The following USP53 variants were observed in gnomAD, a reference collection of about 807,000 sequenced individuals.
The protein encoded by USP53 is ubiquitin specific peptidase 53, also known as ubiquitin carboxyl-terminal hydrolase 53.
A neutral mutation model predicts 94.9 loss-of-function variants in USP53; 71 were observed. The ratio of observed to expected loss-of-function variants is 0.75; its 90% CI spans 0.62 to 0.91. The LOEUF is 0.91. Ranked by LOEUF, USP53 falls within the 40% of genes least tolerant of loss-of-function variation. USP53 has a pLI of 0.00. For synonymous variants in USP53, 375 were observed against 422.7 expected, an observed-to-expected ratio of 0.89 and a Z score of 1.39; for missense variants, 1,173 against 1,281.0, an observed-to-expected ratio of 0.92 and a Z score of 1.29.
intron 3 of USP53, chr4:119,220,439 C>G (rs139208676): frequency 6.6e-6 from 1 of 152,066 alleles, no homozygotes; most frequent in Non-Finnish European, 1.5e-5. Flanking sequence ...TGCAGTTTGA[C>G]AAATATAAAT....
intron 17 of USP53, 22 bp from the exon 18 acceptor site, chr4:119,291,143 T>TGGCCCCCCCCCCCC: frequency 1.3e-6 from 1 of 747,556 alleles, no homozygotes; most frequent in East Asian, 3.1e-5. Flanking sequence ...TCATCTCTTC[T>TGGCCCCCCCCCCCC]CCCCACCCCA....
In USP53 at chr4:119,261,499, C is replaced by T. The variant is rs377328685; in HGVS notation, c.823-216C>T. ...TTGCTAAACTAATTTGTAGTGAATTCGTTTTATTGGACTTAAAGTTTTATG... is the reference window on the plus strand; with the variant it reads ...TTGCTAAACTAATTTGTAGTGAATTTGTTTTATTGGACTTAAAGTTTTATG... On this transcript the variant is annotated intron_variant, in intron 11 of 18. Coordinates refer to ENST00000692078, the MANE Select transcript of USP53 (RefSeq NM_001371395.1). Among the ~76,000 whole-genome samples the T allele has an allele frequency of 7.2e-5, 11 of 152,110 alleles. No individual in the cohort carries two copies. In the East Asian group the frequency reaches 1.7e-3, roughly 24 times the overall value.
rs1578533840 is a variant in USP53 at position 119,272,239 on chromosome 4, A to G, written c.2174+205A>G. 6.9e-6 allele frequency: 3 copies of G among 434,692 alleles called. No homozygotes were observed. In the Admixed American group the frequency reaches 1.2e-4, roughly 18 times the overall value. The allele number at this position is 434,692 out of a possible 1,614,324, so 26.9% of individuals were successfully genotyped here. ...TATTGTAGTTTATTTGATATTTTAGATTTCCATTTTGAATAGTTATTTCCT... is the reference window on the plus strand; with the variant it reads ...TATTGTAGTTTATTTGATATTTTAGGTTTCCATTTTGAATAGTTATTTCCT... On this transcript the variant is annotated intron_variant, in intron 16 of 18. Transcript: ENST00000692078.
Position 119,295,263 on chromosome 4 carries a change from T to A in USP53, c.*2052T>A, listed in dbSNP as rs1323. Reference sequence around the variant, plus strand: ...CAAACTAGAAAATGCCCATTTATTTTTGTTGATTCAACACTCCAGATACAG... The same window carrying A: ...CAAACTAGAAAATGCCCATTTATTTATGTTGATTCAACACTCCAGATACAG... On this transcript the variant is annotated 3_prime_UTR_variant, in exon 19 of 19. Transcript: ENST00000692078. 2.0e-5 allele frequency: 3 copies of A among 151,698 alleles called. No homozygotes were observed. Among genetic ancestry groups the A allele is most frequent in the Non-Finnish European group, 4.4e-5 (3 of 67,892 alleles). 9.4% of individuals were successfully genotyped at this position (151,698 alleles called of 1,614,324 possible). A position where few individuals can be genotyped will look rare whatever the true frequency, so the allele number is the denominator to read the frequency against.
At chr4:119,273,119 A>G (rs559063099) in intron 16 of USP53, 1 of 152,854 alleles carries the variant, frequency 6.5e-6, no homozygotes, top group East Asian at 1.9e-4. Context: ...TACTAGCCTG[A>G]GCAACATGGA....
At chr4:119,221,734 G>A (rs947521660) in intron 3 of USP53, among the ~76,000 whole-genome samples, 1 of 152,152 alleles carries the variant, frequency 6.6e-6, no homozygotes, top group African/African-American at 2.4e-5. Context: ...TCTCTCCTTT[G>A]TCTTCGATTT....
Position 119,256,298 on chromosome 4 carries a change from A to G in USP53, c.425A>G (p.Asp142Gly). Residue 142 changes from aspartate to glycine, a missense_variant, in exon 8 of 19, where the codon GAC becomes GGC. Coordinates refer to ENST00000692078, the MANE Select transcript of USP53 (RefSeq NM_001371395.1). ...CACATAGTGCCAAGCAGAGATGCAG[A>G]CATGTGTACCTCTAAATCTTGTATC... ...HFHIVPSRDA[D>G]MCTSKSCITH... 1 of 1,614,030 alleles carries G rather than the reference A, an allele frequency of 6.2e-7. No individual in the cohort carries two copies. The highest frequency in any genetic ancestry group is 8.5e-7 in the Non-Finnish European group (1 of 1,179,956).
chr4:119,266,626 G>T (rs956605867), intron 12 of USP53, among the ~76,000 whole-genome samples: 7 of 151,848 alleles, frequency 4.6e-5, no homozygotes, highest in Admixed American at 4.6e-4. Context: ...TTTTTTGCCA[G>T]TATTTCGCAT....
In USP53 at chr4:119,287,716, A is replaced by T. The variant is rs10019005; in HGVS notation, c.2252-3449A>T. 7.8e-3 allele frequency among the ~76,000 whole-genome samples: 1,188 copies of T among 152,294 alleles called. 16 individuals carry two copies. Among genetic ancestry groups the T allele is most frequent in the African/African-American group, 0.027 (1,134 of 41,578 alleles). ...AGACGATTAATTGACAGTTCATGCTAATGCCATATATTTTGCTATCTTCTA... is the reference window on the plus strand; with the variant it reads ...AGACGATTAATTGACAGTTCATGCTTATGCCATATATTTTGCTATCTTCTA... On this transcript the variant is annotated intron_variant, in intron 17 of 18. Transcript: ENST00000692078.
intron 3 of USP53, chr4:119,219,072 G>T (rs1744172574): frequency 6.6e-6 from 1 of 152,060 alleles, no homozygotes; most frequent in Non-Finnish European, 1.5e-5. Context: ...TGGTATTTCA[G>T]AAATCTAATG....
At chr4:119,212,967 C>T (rs1269476959) in intron 1 of USP53, 94 bp downstream of exon 1, 1 of 158,034 alleles carries the variant, frequency 6.3e-6, no homozygotes, top group African/African-American at 2.4e-5. Flanking sequence ...CCCCAGAGCT[C>T]GTCTCTCCCC....
chr4:119,292,939 G>A lies in USP53; in HGVS notation c.2950G>A (p.Glu984Lys), dbSNP rs1754929024. ...ACATATGAATGATGAAAGACATAAAGAAACATTTCAAGTGAGAGAATGTTT... is the reference window on the plus strand; with the variant it reads ...ACATATGAATGATGAAAGACATAAAAAAACATTTCAAGTGAGAGAATGTTT... ...STHMNDERHK[E>K]TFQVRECFGN... The change falls in exon 19 of 19, where the codon GAA becomes AAA. Residue 984 changes from glutamate (E) to lysine (K), a missense_variant. Physicochemically the swap from Glu to Lys is moderately conservative, Grantham distance 56. Transcript: ENST00000692078. The A allele has an allele frequency of 6.2e-7, 1 of 1,613,990 alleles. No homozygotes were observed. The highest frequency in any genetic ancestry group is 1.7e-5 in the Admixed American group (1 of 59,984).
intron 2 of USP53, among the ~76,000 whole-genome samples, chr4:119,215,702 A>G (rs1042776551): frequency 6.6e-6 from 1 of 152,098 alleles, no homozygotes; most frequent in Non-Finnish European, 1.5e-5. Context: ...TTAGGCCACC[A>G]AAGATGTCCA....
Position 119,292,693 on chromosome 4 carries a change from C to G in USP53, c.2704C>G (p.Arg902Gly). The change falls in exon 19 of 19, where the codon CGG becomes GGG. Residue 902 changes from arginine (R) to glycine (G), a missense_variant. Arg to Gly is a moderately radical substitution (Grantham distance 125, BLOSUM62 -2). Coordinates refer to ENST00000692078, the MANE Select transcript of USP53 (RefSeq NM_001371395.1). ...CTCTCTATCCACAGAATGTATAATTCGGTCAGCCAGCAGATCTGATGGGTG... is the reference window on the plus strand; with the variant it reads ...CTCTCTATCCACAGAATGTATAATTGGGTCAGCCAGCAGATCTGATGGGTG... The part of the protein sequence containing the change: ...ENSLSTECII[R>G]SASRSDGCQM... 6.2e-7 allele frequency: 1 copy of G among 1,614,026 alleles called. No homozygotes were observed. The highest frequency in any genetic ancestry group is 8.5e-7 in the Non-Finnish European group (1 of 1,179,946).
At chr4:119,222,447 C>G (rs985165523) in intron 3 of USP53, among the ~76,000 whole-genome samples, 4 of 151,066 alleles carry the variant, frequency 2.6e-5, no homozygotes, top group African/African-American at 9.9e-5. Context: ...TTTATCCCTT[C>G]TCTCCACTTC....
chr4:119,256,331 A>G lies in USP53; in HGVS notation c.458A>G (p.Gln153Arg). The change falls in exon 8 of 19, where the codon CAG becomes CGG. Residue 153 changes from glutamine to arginine, a missense_variant. Coordinates refer to ENST00000692078, the MANE Select transcript of USP53 (RefSeq NM_001371395.1). ...MCTSKSCITH[Q>R]KFAMTLYEQC... ...ACCTCTAAATCTTGTATCACTCACC[A>G]GAAGTTTGCTATGACTCTGTATGAA... 1 of 1,614,004 alleles carries G rather than the reference A, an allele frequency of 6.2e-7. No homozygotes were observed. The highest frequency in any genetic ancestry group is 8.5e-7 in the Non-Finnish European group (1 of 1,179,962).
intron 7 of USP53, among the ~76,000 whole-genome samples, chr4:119,255,634 C>T (rs2149371202): frequency 6.6e-6 from 1 of 152,288 alleles, no homozygotes; most frequent in South Asian, 2.1e-4. Context: ...GAGTGTATGG[C>T]TCCTCCAGGT....
intron 17 of USP53, among the ~76,000 whole-genome samples, chr4:119,287,067 A>G (rs1754195208): frequency 6.6e-6 from 1 of 152,056 alleles, no homozygotes; most frequent in South Asian, 2.1e-4. Context: ...GTCTTGCACC[A>G]CTGAGTTGGG....
intron 3 of USP53, among the ~76,000 whole-genome samples, chr4:119,231,962 T>C (rs1441245842): frequency 6.6e-6 from 1 of 152,056 alleles, no homozygotes; most frequent in Non-Finnish European, 1.5e-5. Context: ...AACATTTTGT[T>C]TGTGCAGTTT....
Sources: gnomAD v4.1 joint callset for allele counts (sites outside exome capture counted in the v4.1 genomes callset) on GRCh38, gnomAD v4.1.1 for gene constraint, MANE v1.5 for transcripts, NCBI Gene and HGNC (gene_info 2026-07-23, HGNC 2026-07-21) for gene names.